NOL10: variants seen among roughly 807,000 people sequenced by gnomAD.
NOL10 encodes H_NH0074G24.1.
Under a neutral mutation model 103.5 loss-of-function variants are expected in NOL10, and 58 were observed. That is an observed-to-expected ratio of 0.56 (90% CI 0.45 to 0.70). NOL10 has a LOEUF of 0.70. Ranked by LOEUF, NOL10 falls within the 30% of genes least tolerant of loss-of-function variation. NOL10 has a pLI of 0.00. For synonymous variants in NOL10, 287 were observed against 282.5 expected, an observed-to-expected ratio of 1.02 and a Z score of -0.16; for missense variants, 763 against 807.3, an observed-to-expected ratio of 0.95 and a Z score of 0.67.
intron 13 of NOL10, among the ~76,000 whole-genome samples, chr2:10,621,083 T>C (rs917531407): frequency 6.6e-6 from 1 of 152,032 alleles, no homozygotes; most frequent in Non-Finnish European, 1.5e-5. Flanking sequence ...CGTGCGTCAC[T>C]GTGCCTGGCC....
intron 3 of NOL10, among the ~76,000 whole-genome samples, chr2:10,676,939 CTT>C (rs35181197): frequency 1.4e-4 from 20 of 144,620 alleles, no homozygotes; most frequent in African/African-American, 3.8e-4. Context: ...AGGCCGGCCT[CTT>C]TTTTTTTTTT....
intron 19 of NOL10, among the ~76,000 whole-genome samples, chr2:10,587,194 C>CAT (rs1259297214): frequency 3.5e-5 from 1 of 28,772 alleles, no homozygotes; most frequent in Non-Finnish European, 6.7e-5. Context: ...TATATATACA[C>CAT]ATATATATAC....
At chr2:10,607,855 C>A (rs1206779809) in intron 13 of NOL10, among the ~76,000 whole-genome samples, 2 of 151,448 alleles carry the variant, frequency 1.3e-5, no homozygotes, top group Non-Finnish European at 2.9e-5. Context: ...GGCTCAGCCA[C>A]CACACTCGGC....
At chr2:10,642,736 G>A (rs543547808) in intron 13 of NOL10, among the ~76,000 whole-genome samples, 2 of 152,036 alleles carry the variant, frequency 1.3e-5, no homozygotes, top group Non-Finnish European at 2.9e-5. Flanking sequence ...TCACCCAGTC[G>A]ACGCAGCTAT....
At chr2:10,637,128 G>C (rs1678287824) in intron 13 of NOL10, among the ~76,000 whole-genome samples, 1 of 140,908 alleles carries the variant, frequency 7.1e-6, no homozygotes, top group South Asian at 2.3e-4. Context: ...CTTGACCCAG[G>C]AGATGGAGGT....
chr2:10,616,354 G>A (rs936162930), intron 13 of NOL10, among the ~76,000 whole-genome samples: 2 of 150,690 alleles, frequency 1.3e-5, no homozygotes, highest in African/African-American at 4.9e-5. Flanking sequence ...CAAGTAGCTG[G>A]GATTACAGGC....
chr2:10,598,364 A>T (rs1054947984), intron 17 of NOL10, among the ~76,000 whole-genome samples: 1 of 152,228 alleles, frequency 6.6e-6, no homozygotes, highest in Admixed American at 6.5e-5. Context: ...ACAAAAAAGA[A>T]TAATTTACAG....
At chr2:10,590,562 ACTGGGAAACAGAAGGGACGTTTC>A (rs1231784776) in intron 17 of NOL10, among the ~76,000 whole-genome samples, 1 of 27,574 alleles carries the variant, frequency 3.6e-5, no homozygotes, top group Non-Finnish European at 6.3e-5. Flanking sequence ...CAGCTGAGTT[ACTGGGAAACAGAAGGGACGTTTC>A]CATCCCCTAC....
intron 13 of NOL10, among the ~76,000 whole-genome samples, chr2:10,640,724 C>A (rs1214551817): frequency 6.6e-6 from 1 of 152,168 alleles, no homozygotes; most frequent in African/African-American, 2.4e-5. Context: ...CCCTAAGAAA[C>A]TGATCCAGAG....
intron 3 of NOL10, among the ~76,000 whole-genome samples, chr2:10,681,747 CAA>C (rs1053123894): frequency 6.6e-6 from 1 of 152,046 alleles, no homozygotes; most frequent in African/African-American, 2.4e-5. Context: ...GATACATGAA[CAA>C]AGAGACAGAT....
chr2:10,681,057 C>A (rs1424646543), intron 3 of NOL10, among the ~76,000 whole-genome samples: 2 of 152,092 alleles, frequency 1.3e-5, no homozygotes, highest in African/African-American at 4.8e-5. Flanking sequence ...TTAGAAGTTT[C>A]CCAGAACACT....
At chr2:10,682,558 A>T (rs1681852611) in intron 2 of NOL10, among the ~76,000 whole-genome samples, 1 of 151,688 alleles carries the variant, frequency 6.6e-6, no homozygotes, top group Admixed American at 6.6e-5. Flanking sequence ...ATGCCACTGC[A>T]CCCAGGTATT....
intron 13 of NOL10, among the ~76,000 whole-genome samples, chr2:10,615,605 A>T (rs888385211): frequency 6.6e-6 from 1 of 152,258 alleles, no homozygotes; most frequent in South Asian, 2.1e-4. Flanking sequence ...AACTTTTAAA[A>T]GGTATTAACC....
intron 14 of NOL10, among the ~76,000 whole-genome samples, chr2:10,606,724 A>G (rs1350645982): frequency 6.6e-6 from 1 of 152,158 alleles, no homozygotes; most frequent in Non-Finnish European, 1.5e-5. Flanking sequence ...GTAACTATTA[A>G]GGTTCTTCTA....
intron 17 of NOL10, among the ~76,000 whole-genome samples, chr2:10,598,431 G>A (rs1431985316): frequency 6.6e-6 from 1 of 152,210 alleles, no homozygotes; most frequent in Non-Finnish European, 1.5e-5. Flanking sequence ...AATTTAAAGG[G>A]AGTTATAGAA....
chr2:10,664,223 GA>G (rs1680426581), intron 8 of NOL10, among the ~76,000 whole-genome samples: 1 of 152,084 alleles, frequency 6.6e-6, no homozygotes, highest in African/African-American at 2.4e-5. Context: ...CTGAGGTCAG[GA>G]GTTCGAGACC....
At chr2:10,628,795 A>C (rs933527148) in intron 13 of NOL10, among the ~76,000 whole-genome samples, 3 of 152,210 alleles carry the variant, frequency 2.0e-5, no homozygotes, top group Non-Finnish European at 4.4e-5. Context: ...ACATTTAAGC[A>C]AACTTTTTCA....
intron 2 of NOL10, among the ~76,000 whole-genome samples, chr2:10,683,212 A>G (rs1681905847): frequency 6.6e-6 from 1 of 152,228 alleles, no homozygotes; most frequent in African/African-American, 2.4e-5. Context: ...AACAAAATAT[A>G]TGGGAAAATA....
chr2:10,676,933 C>T (rs1383581055), intron 3 of NOL10, among the ~76,000 whole-genome samples: 1 of 141,344 alleles, frequency 7.1e-6, no homozygotes, highest in Non-Finnish European at 1.5e-5. Context: ...CCATCGAGGC[C>T]GGCCTCTTTT....
Sources: allele counts gnomAD v4.1 joint callset (sites outside exome capture counted in the v4.1 genomes callset), GRCh38; gene constraint gnomAD v4.1.1; transcripts MANE v1.5; gene names NCBI Gene and HGNC (gene_info 2026-07-23, HGNC 2026-07-21).